Variants in RNF216 observed in about 807,000 individuals in gnomAD.
RNF216 encodes E3 ubiquitin-protein ligase RNF216.
Under a neutral mutation model 110.8 loss-of-function variants are expected in RNF216, and 72 were observed. That is an observed-to-expected ratio of 0.65 (90% confidence interval 0.54 to 0.79). The LOEUF is 0.79. RNF216 is among the 30% of genes least tolerant of loss of function. The pLI is 0.00. For synonymous variants in RNF216, 495 were observed against 407.5 expected (o/e 1.21, Z -2.59); for missense variants, 1,342 against 1,141.2 (o/e 1.18, Z -2.54).
intron 2 of RNF216, among the ~76,000 whole-genome samples, chr7:5,755,883 C>T (rs1232364124): frequency 6.6e-6 from 1 of 152,118 alleles, no homozygotes. Flanking sequence ...CCAAATTGTA[C>T]CAATTTACAC....
At chr7:5,647,031 C>G (rs1263846224) in intron 14 of RNF216, among the ~76,000 whole-genome samples, 1 of 152,028 alleles carries the variant, frequency 6.6e-6, no homozygotes, top group Admixed American at 6.6e-5. Flanking sequence ...CTCATTGCCT[C>G]AGGCAGCTGC....
At chr7:5,660,464 C>T (rs1307316933) in intron 13 of RNF216, among the ~76,000 whole-genome samples, 1 of 150,454 alleles carries the variant, frequency 6.6e-6, no homozygotes, top group South Asian at 2.1e-4. Context: ...GCTAATTTTT[C>T]TATTTTTAGT....
intron 1 of RNF216, among the ~76,000 whole-genome samples, chr7:5,764,208 A>AT (rs1362845035): frequency 5.6e-4 from 82 of 147,194 alleles, no homozygotes; most frequent in African/African-American, 2.1e-3. Context: ...GAATAAACTA[A>AT]TTAAAAAAAA....
At chr7:5,654,210 G>C (rs1012594588) in intron 13 of RNF216, among the ~76,000 whole-genome samples, 5 of 152,188 alleles carry the variant, frequency 3.3e-5, no homozygotes, top group Non-Finnish European at 7.3e-5. Flanking sequence ...TTGAGAGCAA[G>C]GGAGGAAGTA....
intron 15 of RNF216, among the ~76,000 whole-genome samples, chr7:5,633,830 G>C (rs530727428): frequency 6.6e-6 from 1 of 152,292 alleles, no homozygotes; most frequent in African/African-American, 2.4e-5. Flanking sequence ...AAGACGGCAA[G>C]TGAGGTAGAA....
At chr7:5,659,895 T>C (rs905608403) in intron 13 of RNF216, among the ~76,000 whole-genome samples, 4 of 152,056 alleles carry the variant, frequency 2.6e-5, no homozygotes, top group African/African-American at 7.2e-5. Context: ...TTTTCTGATA[T>C]GGCTTCAGAA....
chr7:5,719,334 T>A (rs1793267771), intron 9 of RNF216, among the ~76,000 whole-genome samples: 1 of 152,170 alleles, frequency 6.6e-6, no homozygotes, highest in South Asian at 2.1e-4. Flanking sequence ...CATGATTGCA[T>A]CACTGCACTC....
intron 13 of RNF216, among the ~76,000 whole-genome samples, chr7:5,654,715 G>C (rs1188078140): frequency 1.1e-5 from 1 of 94,928 alleles, no homozygotes; most frequent in Non-Finnish European, 2.1e-5. Context: ...AAAAAAAAAG[G>C]CTCAATCAAT....
At chr7:5,657,387 G>A (rs1217074937) in intron 13 of RNF216, among the ~76,000 whole-genome samples, 1 of 152,124 alleles carries the variant, frequency 6.6e-6, no homozygotes, top group African/African-American at 2.4e-5. Context: ...GACCAACAGG[G>A]AGAAACCCCA....
At chr7:5,655,003 C>T (rs978489009) in intron 13 of RNF216, among the ~76,000 whole-genome samples, 3 of 152,220 alleles carry the variant, frequency 2.0e-5, no homozygotes, top group African/African-American at 7.2e-5. Context: ...ACCTCTAAAA[C>T]AATGCCAACC....
chr7:5,682,979 A>C (rs1478318890), intron 13 of RNF216, among the ~76,000 whole-genome samples: 1 of 152,168 alleles, frequency 6.6e-6, no homozygotes, highest in East Asian at 1.9e-4. Flanking sequence ...ACCAACATAA[A>C]TCTGTGTGAT....
At chr7:5,673,120 A>T (rs1388516594) in intron 13 of RNF216, among the ~76,000 whole-genome samples, 1 of 152,022 alleles carries the variant, frequency 6.6e-6, no homozygotes, top group Non-Finnish European at 1.5e-5. Context: ...ACCTCCGGAG[A>T]CCAATGTGTC....
chr7:5,752,459 T>C (rs768467399), intron 3 of RNF216, among the ~76,000 whole-genome samples: 7 of 152,198 alleles, frequency 4.6e-5, no homozygotes, highest in Non-Finnish European at 7.3e-5. Flanking sequence ...TATATATCTT[T>C]ATATTTTGGA....
rs1157223572 is a variant in RNF216, at chr7:5,727,761, A to G, written c.1389+1671T>C. 2.0e-5 allele frequency among the ~76,000 whole-genome samples: 3 copies of G among 151,992 alleles called. No homozygotes were observed. The East Asian group carries it at 5.9e-4, about 30-fold the overall frequency. ...GAATAACCATGATGATGATGATAAT[A>G]ATACAGACTGCTCCAGTCTCTCAAC... On this transcript the variant is annotated intron_variant, in intron 7 of 16. Coordinates refer to ENST00000389902, the MANE Select transcript of RNF216 (RefSeq NM_207111.4).
intron 5 of RNF216, among the ~76,000 whole-genome samples, chr7:5,738,364 T>C (rs1333984048): frequency 6.6e-6 from 1 of 152,028 alleles, no homozygotes; most frequent in African/African-American, 2.4e-5. Flanking sequence ...GTGCCAGAAT[T>C]AAAGGTGTGA....
intron 3 of RNF216, among the ~76,000 whole-genome samples, chr7:5,742,188 A>G (rs1794795741): frequency 6.6e-6 from 1 of 152,180 alleles, no homozygotes; most frequent in Non-Finnish European, 1.5e-5. Context: ...CTGGGATTAC[A>G]AAAATGTGCC....
At chr7:5,658,288 C>T (rs1477879565) in intron 13 of RNF216, among the ~76,000 whole-genome samples, 1 of 152,196 alleles carries the variant, frequency 6.6e-6, no homozygotes, top group Non-Finnish European at 1.5e-5. Context: ...GATGCTCAAA[C>T]CAAACATTCC....
At chr7:5,747,102 A>G (rs1795066963) in intron 3 of RNF216, among the ~76,000 whole-genome samples, 1 of 152,218 alleles carries the variant, frequency 6.6e-6, no homozygotes, top group Non-Finnish European at 1.5e-5. Context: ...ACAGTCTACT[A>G]ACTCTGAGTT....
At chr7:5,633,259 G>C (rs765147542) in intron 15 of RNF216, among the ~76,000 whole-genome samples, 10 of 151,888 alleles carry the variant, frequency 6.6e-5, no homozygotes, top group Non-Finnish European at 1.2e-4. Flanking sequence ...TTACAGGTGT[G>C]AGCCACTGCG....
Sources: allele counts gnomAD v4.1 joint callset (sites outside exome capture counted in the v4.1 genomes callset), GRCh38; gene constraint gnomAD v4.1.1; transcripts MANE v1.5; gene names NCBI Gene and HGNC (gene_info 2026-07-23, HGNC 2026-07-21).